Variants in GALNTL6 observed in about 807,000 individuals in gnomAD.
GALNTL6 encodes polypeptide N-acetylgalactosaminyltransferase like 6, also known as polypeptide N-acetylgalactosaminyltransferase-like 6.
GALNTL6 carries 46 observed loss-of-function variants against 73.7 expected under a neutral mutation model. The observed-to-expected ratio is 0.62, with a 90% confidence interval of 0.49 to 0.80. The LOEUF is 0.80. GALNTL6 is among the 30% of genes least tolerant of loss of function. GALNTL6 has a pLI of 0.00. For synonymous variants in GALNTL6, 259 were observed against 263.7 expected (o/e 0.98, Z 0.17); for missense variants, 604 against 755.0 (o/e 0.80, Z 2.34).
chr4:172,767,943 C>T (rs1738539407), intron 5 of GALNTL6, among the ~76,000 whole-genome samples: 1 of 152,116 alleles, frequency 6.6e-6, no homozygotes, highest in South Asian at 2.1e-4. Context: ...GCTGGGATTA[C>T]AGGCGTGAGC....
intron 2 of GALNTL6, among the ~76,000 whole-genome samples, chr4:172,178,017 A>AT (rs972863053): frequency 1.3e-5 from 2 of 151,802 alleles, no homozygotes; most frequent in Non-Finnish European, 1.5e-5. Context: ...CTTGAGGCTG[A>AT]TTTTTTAAAA....
At chr4:173,007,983 T>G (rs1211026120) in intron 10 of GALNTL6, among the ~76,000 whole-genome samples, 1 of 152,222 alleles carries the variant, frequency 6.6e-6, no homozygotes, top group Non-Finnish European at 1.5e-5. Flanking sequence ...CTGCAAATTT[T>G]CAAAGGTCAG....
At chr4:172,311,394 A>G (rs1235815470) in intron 3 of GALNTL6, among the ~76,000 whole-genome samples, 1 of 152,210 alleles carries the variant, frequency 6.6e-6, no homozygotes, top group African/African-American at 2.4e-5. Flanking sequence ...TCTCTCTGCA[A>G]TGTGAGATTA....
At chr4:171,888,302 C>A (rs905497546) in intron 2 of GALNTL6, among the ~76,000 whole-genome samples, 25 of 150,514 alleles carry the variant, frequency 1.7e-4, no homozygotes, top group Non-Finnish European at 2.7e-4. Context: ...GGATAATTTA[C>A]TTACATAACT....
chr4:172,923,794 T>C (rs1269808523), intron 8 of GALNTL6, among the ~76,000 whole-genome samples: 2 of 152,184 alleles, frequency 1.3e-5, no homozygotes, highest in Non-Finnish European at 2.9e-5. Context: ...AGTCACATCT[T>C]ACTTGAATGG....
At chr4:171,819,379 C>T (rs566591517) in intron 2 of GALNTL6, among the ~76,000 whole-genome samples, 11 of 152,232 alleles carry the variant, frequency 7.2e-5, no homozygotes, top group South Asian at 2.1e-4. Context: ...GTGTGAAACA[C>T]AGTCTTCTGT....
intron 5 of GALNTL6, among the ~76,000 whole-genome samples, chr4:172,641,108 A>C (rs988756435): frequency 1.3e-5 from 2 of 152,090 alleles, no homozygotes; most frequent in African/African-American, 4.8e-5. Context: ...AAATATATTT[A>C]AAATCTGATC....
At chr4:172,185,159 A>G (rs1488340588) in intron 2 of GALNTL6, among the ~76,000 whole-genome samples, 2 of 152,172 alleles carry the variant, frequency 1.3e-5, no homozygotes, top group Admixed American at 6.5e-5. Context: ...TACTCGTTAT[A>G]TAGAGGAAGA....
intron 2 of GALNTL6, among the ~76,000 whole-genome samples, chr4:171,866,451 T>C (rs138956754): frequency 6.6e-6 from 1 of 152,294 alleles, no homozygotes; most frequent in African/African-American, 2.4e-5. Flanking sequence ...GAATACAAAA[T>C]GAAGGGGTAA....
intron 2 of GALNTL6, among the ~76,000 whole-genome samples, chr4:172,061,944 A>G (rs952115524): frequency 3.5e-5 from 3 of 85,514 alleles, no homozygotes; most frequent in Non-Finnish European, 7.0e-5. Flanking sequence ...ATTTTTATCC[A>G]CTTTTTTTTT....
rs576389213 is a variant in GALNTL6 at position 171,954,585 on chromosome 4, A to T, written c.138+139867A>T. 2.0e-5 allele frequency among the ~76,000 whole-genome samples: 3 copies of T among 152,380 alleles called. No homozygotes were observed. In the South Asian group the frequency reaches 6.2e-4, roughly 32 times the overall value. On this transcript the variant is annotated intron_variant, in intron 2 of 12. Transcript: ENST00000506823. The stretch of plus-strand genomic sequence containing the variant: ...AGAGATTATAGATAAGTACATACAT[A>T]TTTGTGAAACAATATTTCTAAATAT...
At chr4:172,406,572 T>C (rs1744245252) in intron 5 of GALNTL6, among the ~76,000 whole-genome samples, 2 of 151,982 alleles carry the variant, frequency 1.3e-5, no homozygotes, top group South Asian at 4.1e-4. Flanking sequence ...GAATATCAGA[T>C]AGCTATTCTT....
chr4:172,191,734 A>G (rs1413658699), intron 2 of GALNTL6, among the ~76,000 whole-genome samples: 1 of 152,180 alleles, frequency 6.6e-6, no homozygotes, highest in Non-Finnish European at 1.5e-5. Context: ...TCAGGATTCT[A>G]TATAGATTTC....
intron 2 of GALNTL6, among the ~76,000 whole-genome samples, chr4:171,866,058 T>C (rs952193992): frequency 2.6e-5 from 4 of 152,086 alleles, no homozygotes; most frequent in African/African-American, 4.8e-5. Context: ...TTGTTATCAA[T>C]AGAAAATAAA....
intron 7 of GALNTL6, among the ~76,000 whole-genome samples, chr4:172,835,634 C>G (rs1742870177): frequency 6.6e-6 from 1 of 152,168 alleles, no homozygotes; most frequent in Non-Finnish European, 1.5e-5. Flanking sequence ...GAAAATAACT[C>G]TGGTGACAGG....
chr4:172,160,536 A>T (rs1341765452), intron 2 of GALNTL6, among the ~76,000 whole-genome samples: 1 of 152,094 alleles, frequency 6.6e-6, no homozygotes, highest in Non-Finnish European at 1.5e-5. Flanking sequence ...AACTAAGAGC[A>T]CATGTTAACT....
At chr4:172,178,901 C>T (rs374101654) in intron 2 of GALNTL6, among the ~76,000 whole-genome samples, 52 of 106,882 alleles carry the variant, frequency 4.9e-4, no homozygotes, top group African/African-American at 1.9e-3. Flanking sequence ...TGAGAATATG[C>T]GGTGTTTGGT....
intron 2 of GALNTL6, among the ~76,000 whole-genome samples, chr4:171,861,243 T>A (rs1735823546): frequency 6.6e-6 from 1 of 152,146 alleles, no homozygotes; most frequent in Non-Finnish European, 1.5e-5. Context: ...TCCTCAAGGA[T>A]CACAGTGTGT....
intron 2 of GALNTL6, among the ~76,000 whole-genome samples, chr4:172,159,660 T>C (rs969040047): frequency 7.9e-5 from 12 of 152,290 alleles, no homozygotes; most frequent in African/African-American, 2.9e-4. Context: ...TGAACAAGGC[T>C]GGAGTTTTGT....
Sources: gnomAD v4.1 joint callset for allele counts (sites outside exome capture counted in the v4.1 genomes callset) on GRCh38, gnomAD v4.1.1 for gene constraint, MANE v1.5 for transcripts, NCBI Gene and HGNC (gene_info 2026-07-23, HGNC 2026-07-21) for gene names.